DLGAP4: variants seen among roughly 807,000 people sequenced by gnomAD.
The protein encoded by DLGAP4 is DLG associated protein 4, also known as disks large-associated protein 4.
DLGAP4 carries 18 observed loss-of-function variants against 86.9 expected under a neutral mutation model. The ratio of observed to expected loss-of-function variants is 0.21; its 90% CI spans 0.14 to 0.31. The LOEUF (loss-of-function observed/expected upper bound fraction) is 0.31, where lower values mean the gene tolerates loss of function less well. Among genes scored for constraint, DLGAP4 ranks in the 10% least tolerant of loss-of-function variants. The probability of loss-of-function intolerance (pLI) is 1.00; values close to 1 mark genes in which losing one functional copy is unlikely to be tolerated. For synonymous variants in DLGAP4, 548 were observed against 574.3 expected (o/e 0.95, Z 0.65); for missense variants, 1,085 against 1,362.6 (o/e 0.80, Z 3.21).
intron 7 of DLGAP4, among the ~76,000 whole-genome samples, chr20:36,476,336 T>C (rs1569512987): frequency 7.3e-6 from 1 of 137,544 alleles, no homozygotes; most frequent in African/African-American, 2.9e-5. Context: ...TTTTTTTTTT[T>C]TTTTTTTTGG....
chr20:36,430,550 G>A (rs1478011257), intron 2 of DLGAP4, among the ~76,000 whole-genome samples: 1 of 151,276 alleles, frequency 6.6e-6, no homozygotes, highest in African/African-American at 2.4e-5. Flanking sequence ...AGGCACAGTG[G>A]CCCACAGCTA....
At chr20:36,523,449 A>G (rs1033452979) in intron 10 of DLGAP4, among the ~76,000 whole-genome samples, 14 of 152,218 alleles carry the variant, frequency 9.2e-5, no homozygotes, top group African/African-American at 3.1e-4. Flanking sequence ...TGTTAGTGAA[A>G]GTGGTCCATT....
intron 10 of DLGAP4, among the ~76,000 whole-genome samples, chr20:36,522,204 G>A (rs953346506): frequency 6.6e-6 from 1 of 152,062 alleles, no homozygotes; most frequent in South Asian, 2.1e-4. Flanking sequence ...CAGGTTGGAG[G>A]AATGCAGTGG....
intron 10 of DLGAP4, among the ~76,000 whole-genome samples, chr20:36,506,802 C>G (rs949039358): frequency 1.7e-4 from 26 of 152,130 alleles, no homozygotes; most frequent in Admixed American, 1.4e-3. Flanking sequence ...AATTCTGTAC[C>G]CATTAAACAC....
At chr20:36,401,053 C>G (rs1054465038) in intron 2 of DLGAP4, among the ~76,000 whole-genome samples, 20 of 152,120 alleles carry the variant, frequency 1.3e-4, no homozygotes, top group African/African-American at 4.6e-4. Context: ...CCTCCTGCCA[C>G]CACCCCTCCT....
chr20:36,392,922 C>T (rs2031830455), intron 2 of DLGAP4, among the ~76,000 whole-genome samples: 1 of 151,952 alleles, frequency 6.6e-6, no homozygotes, highest in Non-Finnish European at 1.5e-5. Flanking sequence ...TGGGCTGAGC[C>T]CTGAATGAAT....
intron 4 of DLGAP4, among the ~76,000 whole-genome samples, chr20:36,436,979 C>G (rs1025742853): frequency 6.6e-6 from 1 of 152,222 alleles, no homozygotes; most frequent in African/African-American, 2.4e-5. Context: ...AAGCCTCGTC[C>G]CCTAGGTGAA....
At chr20:36,357,424 G>T (rs1420646942) in intron 1 of DLGAP4, among the ~76,000 whole-genome samples, 1 of 152,186 alleles carries the variant, frequency 6.6e-6, no homozygotes, top group Non-Finnish European at 1.5e-5. Context: ...GCTCCCATAA[G>T]CCCTTGGGGC....
At chr20:36,418,301 C>CA (rs1469840099) in intron 2 of DLGAP4, among the ~76,000 whole-genome samples, 9 of 151,392 alleles carry the variant, frequency 5.9e-5, no homozygotes, top group Non-Finnish European at 1.3e-4. Context: ...TTAGTAGAGA[C>CA]AGAGTTTCAC....
chr20:36,457,379 C>A (rs1200515096), intron 7 of DLGAP4, among the ~76,000 whole-genome samples: 2 of 149,912 alleles, frequency 1.3e-5, no homozygotes, highest in African/African-American at 4.9e-5. Context: ...CCACCACGCC[C>A]GGCTAATTTT....
intron 2 of DLGAP4, among the ~76,000 whole-genome samples, chr20:36,420,849 T>C (rs2032803916): frequency 6.6e-6 from 1 of 152,154 alleles, no homozygotes; most frequent in African/African-American, 2.4e-5. Flanking sequence ...GGCGCATGCC[T>C]GTAATCCCAG....
At chr20:36,503,228 A>T (rs1488519418) in intron 10 of DLGAP4, among the ~76,000 whole-genome samples, 1 of 152,022 alleles carries the variant, frequency 6.6e-6, no homozygotes. Flanking sequence ...CTTTACTGAG[A>T]TATAATTCAC....
intron 7 of DLGAP4, among the ~76,000 whole-genome samples, chr20:36,487,076 G>A (rs1312899741): frequency 6.6e-6 from 1 of 152,228 alleles, no homozygotes; most frequent in African/African-American, 2.4e-5. Context: ...GCTGGTCTCT[G>A]TTAGCTGTGC....
intron 10 of DLGAP4, among the ~76,000 whole-genome samples, chr20:36,501,308 C>T (rs949403414): frequency 3.3e-4 from 50 of 152,024 alleles, no homozygotes; most frequent in African/African-American, 1.2e-3. Context: ...TCAGGTGATC[C>T]ACCTGCCTCT....
chr20:36,411,323 C>T (rs150643479), intron 2 of DLGAP4, among the ~76,000 whole-genome samples: 1 of 152,098 alleles, frequency 6.6e-6, no homozygotes, highest in Non-Finnish European at 1.5e-5. Flanking sequence ...GTCTGCTTCT[C>T]GGAGAACCCA....
At chr20:36,312,724 C>G (rs1332908102) in intron 1 of DLGAP4, among the ~76,000 whole-genome samples, 9 of 152,140 alleles carry the variant, frequency 5.9e-5, no homozygotes, top group African/African-American at 2.2e-4. Flanking sequence ...CTGGTGGGGG[C>G]AGTGGGACTC....
chr20:36,396,383 A>G, intron 2 of DLGAP4, among the ~76,000 whole-genome samples: 1 of 37,254 alleles, frequency 2.7e-5, no homozygotes, highest in South Asian at 5.6e-4. Context: ...CACCCCACAT[A>G]CACACATGCC....
intron 4 of DLGAP4, among the ~76,000 whole-genome samples, chr20:36,438,378 A>AT (rs1569499592): frequency 1.1e-4 from 9 of 85,222 alleles, no homozygotes; most frequent in Non-Finnish European, 1.6e-4. Flanking sequence ...TCTCAAAAAA[A>AT]AATATATATA....
intron 10 of DLGAP4, among the ~76,000 whole-genome samples, chr20:36,519,429 TGTGCGTGCGTGTGC>T (rs898784855): frequency 6.6e-6 from 1 of 152,158 alleles, no homozygotes; most frequent in African/African-American, 2.4e-5. Flanking sequence ...TTTCTGTCTG[TGTGCGTGCGTGTGC>T]GTGCGTGCAT....
Sources: gnomAD v4.1 joint callset for allele counts (sites outside exome capture counted in the v4.1 genomes callset) on GRCh38, gnomAD v4.1.1 for gene constraint, MANE v1.5 for transcripts, NCBI Gene and HGNC (gene_info 2026-07-23, HGNC 2026-07-21) for gene names.